CFAP77: variants seen among roughly 807,000 people sequenced by gnomAD.
The protein encoded by CFAP77 is cilia- and flagella-associated protein 77.
A neutral mutation model predicts 31.1 loss-of-function variants in CFAP77; 25 were observed. That is an observed-to-expected ratio of 0.80 (90% CI 0.59 to 1.12). The LOEUF is 1.12. CFAP77 is among the 50% of genes most tolerant of loss of function. CFAP77 has a pLI of 0.00. For missense variants in CFAP77, 377 were observed against 397.3 expected (o/e 0.95, Z 0.44); for synonymous variants, 151 against 159.9 (o/e 0.94, Z 0.42).
chr9:132,549,163 C>G (rs953480745), intron 5 of CFAP77, among the ~76,000 whole-genome samples: 2 of 152,298 alleles, frequency 1.3e-5, no homozygotes, highest in East Asian at 1.9e-4. Flanking sequence ...CTACACCCCC[C>G]AAGCGGGCTT....
At position 132,455,042 on chromosome 9, in the gene CFAP77, C is replaced by A. The variant is rs1464432850; in HGVS notation, c.196-43653C>A. 6.6e-6 allele frequency among the ~76,000 whole-genome samples: 1 copy of A among 152,210 alleles called. No homozygotes were observed. Among genetic ancestry groups the A allele is most frequent in the Non-Finnish European group, 1.5e-5 (1 of 68,036 alleles). ...AAAGAAAGAAAAGGCAATAAATTAG[C>A]CTGCACAAAGAACTCCAGTCCATGG... On this transcript the variant is annotated intron_variant, in intron 1 of 5. Transcript: ENST00000393216. This position sits in a 1 kb window ranked among gnomAD's most constrained non-coding sequence, Gnocchi z 4.1.
chr9:132,438,719 G>A (rs1272044592), intron 1 of CFAP77, among the ~76,000 whole-genome samples: 2 of 149,920 alleles, frequency 1.3e-5, no homozygotes, highest in Non-Finnish European at 3.0e-5. Context: ...ATTTTTTATA[G>A]AGATGAGGTT....
At chr9:132,534,647 G>A (rs938833056) in intron 3 of CFAP77, among the ~76,000 whole-genome samples, 3 of 148,546 alleles carry the variant, frequency 2.0e-5, no homozygotes, top group Non-Finnish European at 3.0e-5. Flanking sequence ...TTCCCTTATC[G>A]CCTATTTGAT....
At chr9:132,551,557 A>T (rs532831301) in intron 5 of CFAP77, among the ~76,000 whole-genome samples, 1 of 152,344 alleles carries the variant, frequency 6.6e-6, no homozygotes, top group South Asian at 2.1e-4. Context: ...TGGCCTCCCA[A>T]AGTGCCGGGA....
At chr9:132,486,489 A>G (rs919836504) in intron 1 of CFAP77, among the ~76,000 whole-genome samples, 3 of 152,138 alleles carry the variant, frequency 2.0e-5, no homozygotes, top group African/African-American at 7.2e-5. Flanking sequence ...CAAGACGATG[A>G]GCTGCTTCCT....
Position 132,529,699 on chromosome 9 carries a change from A to G in CFAP77, c.525-7902A>G, listed in dbSNP as rs866905989. The stretch of plus-strand genomic sequence containing the variant: ...ATATTAGCTGGGCGTGGTGGCAGGC[A>G]CCTGTAATCCCAGCTACTCGGGAGG... On this transcript the variant is annotated intron_variant, in intron 3 of 5. Coordinates refer to ENST00000393216, the MANE Select transcript of CFAP77 (RefSeq NM_001282957.2). Among the ~76,000 whole-genome samples, 48 of 151,508 alleles carry G rather than the reference A, an allele frequency of 3.2e-4. No homozygotes were observed. The South Asian group carries it at 6.3e-3, about 20-fold the overall frequency.
At chr9:132,470,127 C>T (rs1423805467) in intron 1 of CFAP77, among the ~76,000 whole-genome samples, 2 of 152,186 alleles carry the variant, frequency 1.3e-5, no homozygotes, top group Non-Finnish European at 2.9e-5. Context: ...GCGTGAGCCA[C>T]CACACCTGGC....
chr9:132,531,632 G>GGC (rs1564242842), intron 3 of CFAP77, among the ~76,000 whole-genome samples: 3 of 147,206 alleles, frequency 2.0e-5, no homozygotes, highest in African/African-American at 7.4e-5. Flanking sequence ...ACATGGGGGG[G>GGC]GGGGCATGGA....
rs1205143031 is a variant in CFAP77, at chr9:132,499,894, T to C, written c.524+294T>C. 6.6e-6 allele frequency among the ~76,000 whole-genome samples: 1 copy of C among 152,138 alleles called. No individual in the cohort carries two copies. The highest frequency in any genetic ancestry group is 1.5e-5 in the Non-Finnish European group (1 of 68,012). ...GGCCAGGCCCAGTGACTCATCTCTG[T>C]AATCCTAGCACTTTGGGAGGCCCAT... is the stretch of plus-strand genomic sequence containing the variant. On this transcript the variant is annotated intron_variant, in intron 3 of 5. Transcript: ENST00000393216. The surrounding 1 kb of genome is among the most constrained non-coding windows in gnomAD (Gnocchi z 5.4).
intron 3 of CFAP77, among the ~76,000 whole-genome samples, chr9:132,531,032 T>G (rs1564242445): frequency 6.6e-6 from 1 of 152,208 alleles, no homozygotes; most frequent in African/African-American, 2.4e-5. Context: ...CCAGCACCAT[T>G]TGTTGAAAAG....
intron 1 of CFAP77, among the ~76,000 whole-genome samples, chr9:132,462,632 G>A (rs1276502861): frequency 6.6e-6 from 1 of 151,974 alleles, no homozygotes; most frequent in African/African-American, 2.4e-5. Flanking sequence ...TGGCTAACGT[G>A]GTAAAACCCC....
At chr9:132,514,992 A>G (rs1417672171) in intron 3 of CFAP77, among the ~76,000 whole-genome samples, 2 of 152,078 alleles carry the variant, frequency 1.3e-5, no homozygotes, top group African/African-American at 4.8e-5. Context: ...TGCTGGGAGG[A>G]CAGAAGTGCC....
At chr9:132,416,747 C>G (rs1850108777) in intron 1 of CFAP77, among the ~76,000 whole-genome samples, 1 of 151,604 alleles carries the variant, frequency 6.6e-6, no homozygotes, top group African/African-American at 2.4e-5. Context: ...AAGTGATTCT[C>G]CTGCCTCAGC....
At chr9:132,446,568 G>A (rs564380494) in intron 1 of CFAP77, among the ~76,000 whole-genome samples, 69 of 151,934 alleles carry the variant, frequency 4.5e-4, no homozygotes, top group South Asian at 3.3e-3. Context: ...GTGAAACCCC[G>A]TCTCTACTAA....
chr9:132,443,767 G>T (rs1446381711), intron 1 of CFAP77, among the ~76,000 whole-genome samples: 1 of 152,188 alleles, frequency 6.6e-6, no homozygotes, highest in Non-Finnish European at 1.5e-5. Flanking sequence ...GGCTAAAATT[G>T]GAGCATGACG....
intron 1 of CFAP77, among the ~76,000 whole-genome samples, chr9:132,484,667 A>G (rs1386241681): frequency 6.6e-6 from 1 of 150,860 alleles, no homozygotes; most frequent in Non-Finnish European, 1.5e-5. Flanking sequence ...TCTGTTGGCT[A>G]TTGTGAATAA....
chr9:132,486,921 C>A (rs1396386887), intron 1 of CFAP77, among the ~76,000 whole-genome samples: 1 of 152,274 alleles, frequency 6.6e-6, no homozygotes, highest in Non-Finnish European at 1.5e-5. Context: ...GCCGCCAGAA[C>A]AGAGCAGGCA....
rs968799575 is a variant in CFAP77 at position 132,529,745 on chromosome 9, G to GA, written c.525-7854dup. Among the ~76,000 whole-genome samples the GA allele has an allele frequency of 5.9e-5, 9 of 151,320 alleles. No homozygotes were observed. In the Middle Eastern group the frequency reaches 0.01, roughly 173 times the overall value. On this transcript the variant is annotated intron_variant, in intron 3 of 5. Coordinates refer to ENST00000393216, the MANE Select transcript of CFAP77 (RefSeq NM_001282957.2). The stretch of plus-strand genomic sequence containing the variant: ...GGAGGCTGACACAGGAGAGTTGCTT[G>GA]AACCCGGGAGGCAGAGGTTGCAGTG...
rs192568229 is a variant in CFAP77 at position 132,467,465 on chromosome 9, G to A, written c.196-31230G>A. Among the ~76,000 whole-genome samples, 436 of 152,190 alleles carry A rather than the reference G, an allele frequency of 2.9e-3. 1 individual carries two copies. The highest frequency in any genetic ancestry group is 5.0e-3 in the South Asian group (24 of 4,814). On this transcript the variant is annotated intron_variant, in intron 1 of 5. Transcript: ENST00000393216. Reference sequence around the variant, plus strand: ...ATCATACTTTGTCCTTTTGTGACTGGCTTCTTTCACTTAGCACACTGCCGT... The same window carrying A: ...ATCATACTTTGTCCTTTTGTGACTGACTTCTTTCACTTAGCACACTGCCGT...
Sources: allele counts gnomAD v4.1 joint callset (sites outside exome capture counted in the v4.1 genomes callset), GRCh38; gene constraint gnomAD v4.1.1; non-coding constraint Gnocchi (gnomAD v3.1); transcripts MANE v1.5; gene names NCBI Gene and HGNC (gene_info 2026-07-23, HGNC 2026-07-21).